The following PCGF3 variants were observed in gnomAD, a reference collection of about 807,000 sequenced individuals.
The protein encoded by PCGF3 is polycomb group RING finger protein 3.
A neutral mutation model predicts 33.1 loss-of-function variants in PCGF3; 7 were observed. The observed-to-expected ratio is 0.21, with a 90% confidence interval of 0.12 to 0.40. PCGF3 has a LOEUF of 0.40. PCGF3 is among the 10% of genes least tolerant of loss of function. PCGF3 has a pLI of 1.00. For synonymous variants in PCGF3, 153 were observed against 121.3 expected (o/e 1.26, Z -1.72); for missense variants, 211 against 313.3 (o/e 0.67, Z 2.46).
intron 1 of PCGF3, among the ~76,000 whole-genome samples, chr4:716,128 T>C (rs187268153): frequency 0.056 from 4,109 of 73,592 alleles, 164 homozygotes; most frequent in Non-Finnish European, 0.078. Flanking sequence ...GAGAACTGGG[T>C]GTCAGTGCTG....
chr4:763,743 A>T (rs1745199493), intron 9 of PCGF3, among the ~76,000 whole-genome samples: 1 of 152,184 alleles, frequency 6.6e-6, no homozygotes, highest in African/African-American at 2.4e-5. Context: ...GCCCACACAA[A>T]AACCTGCACC....
intron 4 of PCGF3, chr4:734,027 A>AC: frequency 6.4e-7 from 1 of 1,550,670 alleles, no homozygotes; most frequent in Non-Finnish European, 8.7e-7. Flanking sequence ...CACAGGAGAG[A>AC]CCCCACATTC....
intron 1 of PCGF3, among the ~76,000 whole-genome samples, chr4:716,295 A>C (rs1287096091): frequency 3.6e-5 from 5 of 137,392 alleles, no homozygotes; most frequent in African/African-American, 1.4e-4. Flanking sequence ...TGAGTGTGAG[A>C]ACTGGGCGTC....
intron 7 of PCGF3, 101 bp downstream of exon 7, chr4:743,685 C>T (rs1744192094): frequency 1.3e-5 from 9 of 692,682 alleles, no homozygotes; most frequent in East Asian, 2.8e-5. Context: ...CACACGCACT[C>T]ACGGGAGAAC....
chr4:756,509 G>A (rs770469572), intron 8 of PCGF3, among the ~76,000 whole-genome samples: 3 of 152,096 alleles, frequency 2.0e-5, no homozygotes, highest in African/African-American at 4.8e-5. Context: ...CACTGCACCC[G>A]GCTCTTTTCT....
rs372237275 is a variant in PCGF3, at chr4:715,687, C to T, written c.-190+9717C>T. Among the ~76,000 whole-genome samples the T allele has an allele frequency of 2.2e-3, 165 of 76,682 alleles. 1 individual carries two copies. The highest frequency in any genetic ancestry group is 3.3e-3 in the Non-Finnish European group (108 of 32,444). 50.3% of individuals were successfully genotyped at this position (76,682 alleles called of 152,430 possible). ...CCTCTAGACACTGTGAGTGTGAGAA[C>T]TGGGCGTCGGTGCTGGGACCCTGTA... On this transcript the variant is annotated intron_variant, in intron 1 of 10. Coordinates refer to ENST00000362003, the Ensembl canonical transcript of PCGF3.
At chr4:737,680 T>C (rs1743893999) in intron 6 of PCGF3, 159 bp downstream of exon 6, 1 of 621,750 alleles carries the variant, frequency 1.6e-6, no homozygotes, top group Non-Finnish European at 2.9e-6. Context: ...TCTCCTTGGC[T>C]GGTCTCTTCT....
chr4:726,147 G>A (rs1220616352), intron 1 of PCGF3, among the ~76,000 whole-genome samples: 1 of 152,276 alleles, frequency 6.6e-6, no homozygotes, highest in Non-Finnish European at 1.5e-5. Context: ...CGCTGCGGCC[G>A]TGGCTTCTGC....
At chr4:725,186 CT>C (rs761849183) in intron 1 of PCGF3, 1 of 152,318 alleles carries the variant, frequency 6.6e-6, no homozygotes, top group South Asian at 2.1e-4. Context: ...TTGATGAGGA[CT>C]CGTATTTCAG....
rs547131462 is a variant in PCGF3 at position 737,132 on chromosome 4, G to A, written c.207-334G>A. On this transcript the variant is annotated intron_variant, in intron 5 of 10. Transcript: ENST00000362003. ...GGTGTCCCCTGAGCGCACGGGACGC[G>A]GGGAACCTGGGGTGTCTGCAGGGAC... Among the ~76,000 whole-genome samples, 8 of 127,190 alleles carry A rather than the reference G, an allele frequency of 6.3e-5. No homozygotes were observed. In the East Asian group the frequency reaches 1.9e-3, roughly 30 times the overall value. The allele number at this position is 127,190 out of a possible 152,430, so 83.4% of individuals were successfully genotyped here. A position where few individuals can be genotyped will look rare whatever the true frequency, so the allele number is the denominator to read the frequency against.
At chr4:757,588 A>C (rs1436643430) in intron 8 of PCGF3, 1 of 152,254 alleles carries the variant, frequency 6.6e-6, no homozygotes, top group Non-Finnish European at 1.5e-5. Context: ...TAAATGTGAC[A>C]CTGTTTACAA....
rs1247698933 is a variant in PCGF3 at position 733,808 on chromosome 4, C to T, written c.109+19C>T. Reference sequence around the variant, plus strand: ...CACACCTGTACGTGCCCTGCCCGCGCCACCCAGGGAGGGCGCGCCCTTCCC... The same window carrying T: ...CACACCTGTACGTGCCCTGCCCGCGTCACCCAGGGAGGGCGCGCCCTTCCC... On this transcript the variant is annotated intron_variant, in intron 4 of 10. Transcript: ENST00000362003. The T allele has an allele frequency of 2.5e-6, 4 of 1,613,636 alleles. No individual in the cohort carries two copies. Among genetic ancestry groups the T allele is most frequent in the Non-Finnish European group, 3.4e-6 (4 of 1,180,032 alleles).
chr4:749,099 C>T (rs1038586346), intron 8 of PCGF3, among the ~76,000 whole-genome samples: 4 of 152,196 alleles, frequency 2.6e-5, no homozygotes, highest in East Asian at 1.9e-4. Flanking sequence ...TGATCCTTGA[C>T]GTGCTAAAGA....
At chr4:766,394 C>T (rs1025498193) in exon 11 of PCGF3, 4 of 260,928 alleles carry the variant, frequency 1.5e-5, no homozygotes, top group South Asian at 2.2e-4. Context: ...GCTCCCTCTG[C>T]TTGCTTTCCA....
chr4:718,796 G>T (rs1043796930), intron 1 of PCGF3, among the ~76,000 whole-genome samples: 6 of 152,224 alleles, frequency 3.9e-5, no homozygotes, highest in African/African-American at 1.4e-4. Context: ...TAGGGGCTGG[G>T]CCATGGGGGA....
intron 1 of PCGF3, among the ~76,000 whole-genome samples, chr4:714,680 G>A (rs1468951534): frequency 2.0e-5 from 3 of 152,128 alleles, no homozygotes; most frequent in East Asian, 3.8e-4. Context: ...GACCGGGCTC[G>A]CATCCTTCCC....
chr4:736,758 C>CG (rs1743853335), intron 5 of PCGF3, among the ~76,000 whole-genome samples: 2 of 125,798 alleles, frequency 1.6e-5, no homozygotes, highest in Admixed American at 8.2e-5. Context: ...CCGGGGTGTC[C>CG]GCAGGGACGG....
chr4:715,767 T>G (rs1369710422), intron 1 of PCGF3, among the ~76,000 whole-genome samples: 2 of 61,808 alleles, frequency 3.2e-5, no homozygotes, highest in Admixed American at 1.4e-4. Flanking sequence ...ACACTGTGAG[T>G]GTGAGAACTG....
At chr4:768,058 T>C (rs1745456971) in exon 11 of PCGF3, 1 of 152,618 alleles carries the variant, frequency 6.6e-6, no homozygotes, top group Admixed American at 6.5e-5. Flanking sequence ...AATCTCATAA[T>C]ATATATTTGT....
Sources: gnomAD v4.1 joint callset for allele counts (sites outside exome capture counted in the v4.1 genomes callset) on GRCh38, gnomAD v4.1.1 for gene constraint, MANE v1.5 for transcripts, NCBI Gene and HGNC (gene_info 2026-07-23, HGNC 2026-07-21) for gene names.